Variants in KLF8 observed in about 807,000 individuals in gnomAD.
KLF8 encodes KLF transcription factor 8.
A neutral mutation model predicts 18.2 loss-of-function variants in KLF8; 10 were observed. The ratio of observed to expected loss-of-function variants is 0.55; its 90% confidence interval spans 0.34 to 0.93. KLF8 has a LOEUF of 0.93. Among genes scored for constraint, KLF8 ranks in the 40% least tolerant of loss-of-function variants. The pLI, the probability that KLF8 is intolerant of heterozygous loss-of-function variation, is 0.02. For missense variants in KLF8, 264 were observed against 277.9 expected, an observed-to-expected ratio of 0.95 and a Z score of 0.36; for synonymous variants, 109 against 97.3, an observed-to-expected ratio of 1.12 and a Z score of -0.71.
chrX:55,930,366 AC>A, the KLF8 span, among the ~76,000 whole-genome samples: 1 of 111,523 alleles, frequency 9.0e-6, no homozygotes, highest in Admixed American at 9.6e-5. Flanking sequence ...CTATTTGAAT[AC>A]CCTTTATTTC....
the KLF8 span, among the ~76,000 whole-genome samples, chrX:56,119,864 T>C: frequency 9.2e-4 from 99 of 108,047 alleles, no homozygotes; most frequent in African/African-American, 3.1e-3. Flanking sequence ...TAGGTCTGGA[T>C]CTGCATAAGG....
chrX:55,983,594 G>T, the KLF8 span, among the ~76,000 whole-genome samples: 2 of 111,891 alleles, frequency 1.8e-5, no homozygotes, highest in African/African-American at 6.5e-5. Context: ...TCTATTTGTG[G>T]TTGATAATAA....
the KLF8 span, among the ~76,000 whole-genome samples, chrX:55,917,497 A>G: frequency 1.8e-5 from 2 of 111,935 alleles, no homozygotes; most frequent in Non-Finnish European, 3.8e-5. Context: ...CAAGGCCTAC[A>G]TACTAAAATG....
chrX:56,178,847 C>T, the KLF8 span, among the ~76,000 whole-genome samples: 2 of 112,035 alleles, frequency 1.8e-5, no homozygotes, highest in African/African-American at 3.2e-5. Flanking sequence ...GTATATATGT[C>T]TGTTTTGGTA....
the KLF8 span, among the ~76,000 whole-genome samples, chrX:56,083,143 C>T: frequency 8.9e-6 from 1 of 111,732 alleles, no homozygotes; most frequent in Non-Finnish European, 1.9e-5. Context: ...CTTTGATTAC[C>T]ACAATGTGTA....
chrX:56,179,353 CT>C, the KLF8 span, among the ~76,000 whole-genome samples: 1 of 112,408 alleles, frequency 8.9e-6, no homozygotes, highest in African/African-American at 3.2e-5. Context: ...TATCCTGAGA[CT>C]TTGCTGAATT....
At chrX:56,159,518 C>G in the KLF8 span, among the ~76,000 whole-genome samples, 22 of 100,318 alleles carry the variant, frequency 2.2e-4, no homozygotes, top group South Asian at 4.4e-4. Context: ...ATCTGGTCCT[C>G]GACTTTTTTT....
At chrX:56,032,055 G>A in the KLF8 span, among the ~76,000 whole-genome samples, 2 of 111,116 alleles carry the variant, frequency 1.8e-5, no homozygotes, top group African/African-American at 6.6e-5. Flanking sequence ...TAACTACCAG[G>A]TTAGGTCACG....
the KLF8 span, among the ~76,000 whole-genome samples, chrX:56,059,057 G>T: frequency 8.9e-6 from 1 of 111,927 alleles, no homozygotes; most frequent in African/African-American, 3.2e-5. Flanking sequence ...ACTTGCATGA[G>T]ATAGTATCTC....
chrX:55,940,357 A>T, the KLF8 span, among the ~76,000 whole-genome samples: 1 of 111,708 alleles, frequency 9.0e-6, no homozygotes, highest in Non-Finnish European at 1.9e-5. Flanking sequence ...TCAATAAATT[A>T]GTTATTGATG....
At chrX:56,030,998 T>C in the KLF8 span, among the ~76,000 whole-genome samples, 1 of 110,669 alleles carries the variant, frequency 9.0e-6, no homozygotes, top group Admixed American at 9.6e-5. Context: ...GCCATACCTT[T>C]GAAACAAGAG....
At chrX:55,998,518 T>C in the KLF8 span, among the ~76,000 whole-genome samples, 6 of 112,539 alleles carry the variant, frequency 5.3e-5, no homozygotes, top group Non-Finnish European at 9.4e-5. Flanking sequence ...CCTTCAAGCA[T>C]CTGTTTAACA....
At chrX:55,945,849 A>G in the KLF8 span, among the ~76,000 whole-genome samples, 3 of 111,074 alleles carry the variant, frequency 2.7e-5, no homozygotes, top group Non-Finnish European at 5.7e-5. Context: ...CCAGTAACAG[A>G]CAGAGAGCCA....
At chrX:56,265,814 G>A in intron 3 of KLF8, 70 bp downstream of exon 3, 2 of 1,122,424 alleles carry the variant, frequency 1.8e-6, no homozygotes, top group Non-Finnish European at 2.3e-6. Context: ...CCTATCTCCT[G>A]TCTCTTTTCA....
chrX:56,093,917 G>GTC, the KLF8 span, among the ~76,000 whole-genome samples: 1 of 101,091 alleles, frequency 9.9e-6, no homozygotes, highest in Non-Finnish European at 2.0e-5. Flanking sequence ...GTGTGTGTGT[G>GTC]TGTGTGTGTG....
chrX:56,178,488 T>C, the KLF8 span, among the ~76,000 whole-genome samples: 1 of 112,473 alleles, frequency 8.9e-6, no homozygotes, highest in East Asian at 2.8e-4. Context: ...TTTAGTTTAA[T>C]TAGATCCCAT....
At chrX:56,265,879 T>G in intron 3 of KLF8, 135 bp downstream of exon 3, 1 of 1,068,505 alleles carries the variant, frequency 9.4e-7, no homozygotes, top group Non-Finnish European at 1.2e-6. Flanking sequence ...AAAAGTACTG[T>G]TTTTTATGTC....
intron 2 of KLF8, among the ~76,000 whole-genome samples, chrX:56,256,998 TGGCAGGAGCA>T (rs2066805801): frequency 8.9e-6 from 1 of 112,203 alleles, no homozygotes; most frequent in Non-Finnish European, 1.9e-5. Context: ...CCACCTTGCC[TGGCAGGAGCA>T]TATTTTTTAA....
the KLF8 span, among the ~76,000 whole-genome samples, chrX:56,050,816 G>T: frequency 1.5e-4 from 17 of 109,920 alleles, no homozygotes; most frequent in Admixed American, 3.9e-4. Context: ...CAATTCCTGG[G>T]TATCCTTGTT....
Sources: gnomAD v4.1 joint callset for allele counts (sites outside exome capture counted in the v4.1 genomes callset) on GRCh38, gnomAD v4.1.1 for gene constraint, MANE v1.5 for transcripts, NCBI Gene and HGNC (gene_info 2026-07-23, HGNC 2026-07-21) for gene names.